LOXL1: variants seen among roughly 807,000 people sequenced by gnomAD.
The protein encoded by LOXL1 is lysyl oxidase homolog 1.
Under a neutral mutation model 62.2 loss-of-function variants are expected in LOXL1, and 31 were observed. The ratio of observed to expected loss-of-function variants is 0.50; its 90% confidence interval spans 0.37 to 0.67. LOXL1 has a LOEUF of 0.67. Ranked by LOEUF, LOXL1 falls within the 30% of genes least tolerant of loss-of-function variation. The probability of loss-of-function intolerance (pLI) is 0.00; values close to 1 mark genes in which losing one functional copy is unlikely to be tolerated. For missense variants in LOXL1, 775 were observed against 843.4 expected (o/e 0.92, Z 1.00); for synonymous variants, 403 against 384.4 (o/e 1.05, Z -0.56).
At chr15:73,946,910 G>T (rs1261633122) in intron 3 of LOXL1, among the ~76,000 whole-genome samples, 157 bp from the exon 4 acceptor site, 1 of 152,252 alleles carries the variant, frequency 6.6e-6, no homozygotes, top group Non-Finnish European at 1.5e-5. Context: ...GGAGCACAGA[G>T]GGGCCACCCC....
Position 73,927,157 on chromosome 15 carries a change from C to G in LOXL1, c.374C>G (p.Pro125Arg), listed in dbSNP as rs1330874334. 1 of 1,524,062 alleles carries G rather than the reference C, an allele frequency of 6.6e-7. No homozygotes were observed. The highest frequency in any genetic ancestry group is 8.8e-7 in the Non-Finnish European group (1 of 1,136,024). 94.4% of individuals were successfully genotyped at this position (1,524,062 alleles called of 1,614,324 possible). A position where few individuals can be genotyped will look rare whatever the true frequency, so the allele number is the denominator to read the frequency against. ...ARHPFGFGQV[P>R]DNWREVAVGD... ...CACCCATTCGGCTTTGGCCAGGTGCCCGACAACTGGCGCGAGGTGGCCGTC... is the reference window on the plus strand; with the variant it reads ...CACCCATTCGGCTTTGGCCAGGTGCGCGACAACTGGCGCGAGGTGGCCGTC... The change falls in exon 1 of 7, where the codon CCC becomes CGC. Residue 125 changes from proline (P) to arginine (R), a missense_variant. Pro to Arg is a moderately radical substitution (Grantham distance 103). Transcript: ENST00000261921.
chr15:73,927,563 G>A lies in LOXL1; in HGVS notation c.780G>A (p.Val260=). The A allele has an allele frequency of 1.6e-6, 2 of 1,245,066 alleles. No individual in the cohort carries two copies. The highest frequency in any genetic ancestry group is 1.0e-6 in the Non-Finnish European group (1 of 960,000). The allele number at this position is 1,245,066 out of a possible 1,614,324, so 77.1% of individuals were successfully genotyped here. ...ACCCGGCCCCCGAGAGGCCCTACGT[G>A]CCGCCGCCGCCGCCGCCCCCCGACG... ...GFYPAPERPY[V]PPPPPPPDGL... Residue 260 remains valine (V), a synonymous_variant, in exon 1 of 7, where the codon GTG becomes GTA. Transcript: ENST00000261921.
intron 4 of LOXL1, 33 bp downstream of exon 4, chr15:73,947,256 G>T (rs775591428): frequency 6.4e-7 from 1 of 1,568,168 alleles, no homozygotes; most frequent in Non-Finnish European, 8.7e-7. Context: ...TGGGGCATGG[G>T]AGGATAAGGA....
chr15:73,931,170 C>G (rs2068633082), intron 1 of LOXL1, among the ~76,000 whole-genome samples: 1 of 152,018 alleles, frequency 6.6e-6, no homozygotes, highest in Non-Finnish European at 1.5e-5. Context: ...CTCACCGGCT[C>G]TGGCAATCCT....
chr15:73,942,371 G>C (rs2068719983), intron 1 of LOXL1, among the ~76,000 whole-genome samples: 1 of 152,040 alleles, frequency 6.6e-6, no homozygotes, highest in African/African-American at 2.4e-5. Flanking sequence ...GGGCTCTCTT[G>C]GTGGTTTACA....
At position 73,947,023 on chromosome 15, in the gene LOXL1, G is replaced by A. The variant is rs1213664663; in HGVS notation, c.1350-44G>A. On this transcript the variant is annotated intron_variant, in intron 3 of 6. Coordinates refer to ENST00000261921, the MANE Select transcript of LOXL1 (RefSeq NM_005576.4). ...ATGGGGACAGGATGAGAGGCCCAGGGAAGACTAGGCCCTCTTCTTTCTCCT... is the reference window on the plus strand; with the variant it reads ...ATGGGGACAGGATGAGAGGCCCAGGAAAGACTAGGCCCTCTTCTTTCTCCT... 1.2e-5 allele frequency: 19 copies of A among 1,527,702 alleles called. 2 individuals carry two copies. In the South Asian group the frequency reaches 2.3e-4, roughly 18 times the overall value. 94.6% of individuals were successfully genotyped at this position (1,527,702 alleles called of 1,614,324 possible).
intron 6 of LOXL1, among the ~76,000 whole-genome samples, chr15:73,951,012 T>G (rs2141640186): frequency 6.6e-6 from 1 of 152,298 alleles, no homozygotes; most frequent in East Asian, 1.9e-4. Flanking sequence ...TCCAGCACAT[T>G]CCTGCTCCTC....
chr15:73,946,385 A>AAC, intron 2 of LOXL1, 32 bp from the exon 3 acceptor site: 2 of 1,458,056 alleles, frequency 1.4e-6, no homozygotes, highest in Non-Finnish European at 1.9e-6. Flanking sequence ...CTGTGCCCCA[A>AAC]CCCCCCCTCA....
chr15:73,936,072 T>G (rs2068670111), intron 1 of LOXL1, among the ~76,000 whole-genome samples: 1 of 151,812 alleles, frequency 6.6e-6, no homozygotes, highest in East Asian at 1.9e-4. Context: ...ACCTGCCTAC[T>G]GATCCTTAGG....
At chr15:73,949,890 C>T (rs532057854) in intron 6 of LOXL1, among the ~76,000 whole-genome samples, 212 of 152,276 alleles carry the variant, frequency 1.4e-3, no homozygotes, top group African/African-American at 4.4e-3. Context: ...ACAGCTTCCT[C>T]GCTATGTGAC....
chr15:73,949,650 C>T, intron 6 of LOXL1, 76 bp downstream of exon 6: 2 of 946,010 alleles, frequency 2.1e-6, no homozygotes, highest in Non-Finnish European at 1.7e-6. Context: ...CCTGAGATAC[C>T]TAAGATACCT....
Position 73,926,575 on chromosome 15 carries a change from G to A in LOXL1, c.-209G>A, listed in dbSNP as rs764192588. On this transcript the variant is annotated 5_prime_UTR_variant, in exon 1 of 7. Transcript: ENST00000261921. ...CTGCGGAGAGCCTCGTGCAGCCCTG[G>A]GCACCGCCCCTGCCCTGCCCTGACC... 2.1e-6 allele frequency: 1 copy of A among 485,554 alleles called. No homozygotes were observed. Among genetic ancestry groups the A allele is most frequent in the Non-Finnish European group, 3.3e-6 (1 of 299,318 alleles). 30.1% of individuals were successfully genotyped at this position (485,554 alleles called of 1,614,324 possible).
chr15:73,941,326 C>A (rs564471851), intron 1 of LOXL1, among the ~76,000 whole-genome samples: 2 of 152,300 alleles, frequency 1.3e-5, no homozygotes, highest in African/African-American at 4.8e-5. Flanking sequence ...GCTGCCTGGA[C>A]CAGGCTCCCC....
chr15:73,926,875 G>C lies in LOXL1; in HGVS notation c.92G>C (p.Gly31Ala). 2 of 1,556,302 alleles carry C rather than the reference G, an allele frequency of 1.3e-6. No homozygotes were observed. The highest frequency in any genetic ancestry group is 1.2e-5 in the South Asian group (1 of 84,516). ...GTGCACGGGCAGCAGGCGCAGCCCGGGCAGGGCTCGGACCCCGCCCGCTGG... is the reference window on the plus strand; with the variant it reads ...GTGCACGGGCAGCAGGCGCAGCCCGCGCAGGGCTCGGACCCCGCCCGCTGG... ...VLVHGQQAQP[G>A]QGSDPARWRQ... Residue 31 changes from glycine (G) to alanine (A), a missense_variant, in exon 1 of 7, where the codon GGG becomes GCG. Physicochemically the swap from Gly to Ala is moderately conservative, Grantham distance 60 (BLOSUM62 0). Transcript: ENST00000261921.
intron 6 of LOXL1, among the ~76,000 whole-genome samples, chr15:73,950,092 A>G (rs1715175162): frequency 6.6e-6 from 1 of 152,080 alleles, no homozygotes; most frequent in Admixed American, 6.5e-5. Flanking sequence ...TTCTGGTTCA[A>G]AGGAGCCATC....
chr15:73,928,554 TTGAGA>T (rs1486807811), intron 1 of LOXL1, among the ~76,000 whole-genome samples: 1 of 146,636 alleles, frequency 6.8e-6, no homozygotes, highest in Non-Finnish European at 1.5e-5. Context: ...AACACAGTAG[TTGAGA>T]TGAGTAATAT....
chr15:73,926,804 C>T lies in LOXL1; in HGVS notation c.21C>T (p.Ser7=). 6.8e-7 allele frequency: 1 copy of T among 1,480,514 alleles called. No homozygotes were observed. Among genetic ancestry groups the T allele is most frequent in the Non-Finnish European group, 9.0e-7 (1 of 1,114,866 alleles). 91.7% of individuals were successfully genotyped at this position (1,480,514 alleles called of 1,614,324 possible). MALARG[S]RQLGALVWGA... ...TCACCATGGCTCTGGCCCGAGGCAGCCGGCAGCTGGGGGCCCTGGTGTGGG... is the reference window on the plus strand; with the variant it reads ...TCACCATGGCTCTGGCCCGAGGCAGTCGGCAGCTGGGGGCCCTGGTGTGGG... Residue 7 remains serine (S), a synonymous_variant, in exon 1 of 7, where the codon AGC becomes AGT. Coordinates refer to ENST00000261921, the MANE Select transcript of LOXL1 (RefSeq NM_005576.4).
intron 1 of LOXL1, among the ~76,000 whole-genome samples, chr15:73,941,406 A>G (rs1567087574): frequency 6.6e-6 from 1 of 152,182 alleles, no homozygotes. Context: ...GGTGGGGGAT[A>G]TGCTGGCAGA....
At chr15:73,937,781 C>G (rs1298684969) in intron 1 of LOXL1, among the ~76,000 whole-genome samples, 2 of 152,232 alleles carry the variant, frequency 1.3e-5, no homozygotes, top group Admixed American at 6.5e-5. Flanking sequence ...CCTGGGTAGT[C>G]TGAGCAAGCC....
Sources: gnomAD v4.1 joint callset for allele counts (sites outside exome capture counted in the v4.1 genomes callset) on GRCh38, gnomAD v4.1.1 for gene constraint, MANE v1.5 for transcripts, NCBI Gene and HGNC (gene_info 2026-07-23, HGNC 2026-07-21) for gene names.